KCNJ10: variants seen among roughly 807,000 people sequenced by gnomAD.
KCNJ10 encodes potassium inwardly rectifying channel subfamily J member 10.
Under a neutral mutation model 22.2 loss-of-function variants are expected in KCNJ10, and 9 were observed. That is an observed-to-expected ratio of 0.40 (90% CI 0.24 to 0.71). The LOEUF (loss-of-function observed/expected upper bound fraction) is 0.71. KCNJ10 is among the 30% of genes least tolerant of loss of function. KCNJ10 has a pLI of 0.35. For synonymous variants in KCNJ10, 184 were observed against 187.3 expected (o/e 0.98, Z 0.15); for missense variants, 337 against 482.7 (o/e 0.70, Z 2.83).
chr1:160,054,566 G>A (rs1212200088), intron 1 of KCNJ10, among the ~76,000 whole-genome samples: 1 of 152,234 alleles, frequency 6.6e-6, no homozygotes. Context: ...GACATGCGAT[G>A]CTGAAAAGGT....
At chr1:160,067,393 A>G (rs1186677) in intron 1 of KCNJ10, among the ~76,000 whole-genome samples, 151,356 of 152,356 alleles carry the variant, frequency 0.99, 75,187 homozygotes, top group East Asian at 1. Context: ...GAGAGACCGA[A>G]GTGACATGGC....
chr1:160,056,896 A>G (rs529770828), intron 1 of KCNJ10, among the ~76,000 whole-genome samples: 1 of 152,324 alleles, frequency 6.6e-6, no homozygotes, highest in East Asian at 1.9e-4. Context: ...ATCATCCTCA[A>G]TATGGTGATA....
At chr1:160,054,425 T>G (rs569687477) in intron 1 of KCNJ10, among the ~76,000 whole-genome samples, 1 of 152,306 alleles carries the variant, frequency 6.6e-6, no homozygotes, top group African/African-American at 2.4e-5. Context: ...TACTGGGAGA[T>G]GTTAACCCAT....
At chr1:160,069,816 G>A (rs921692223) in intron 1 of KCNJ10, among the ~76,000 whole-genome samples, 27 of 152,202 alleles carry the variant, frequency 1.8e-4, no homozygotes, top group Non-Finnish European at 2.1e-4. Flanking sequence ...GAGGTGACCA[G>A]CCTGGCTAGT....
intron 1 of KCNJ10, among the ~76,000 whole-genome samples, chr1:160,054,021 T>G (rs1648966345): frequency 6.6e-6 from 1 of 152,130 alleles, no homozygotes; most frequent in African/African-American, 2.4e-5. Flanking sequence ...AAGCGGTGCC[T>G]TCTGTCCCCT....
At position 160,059,734 on chromosome 1, in the gene KCNJ10, G is replaced by C. The variant is rs557946461; in HGVS notation, c.-1+10288C>G. 8.9e-4 allele frequency among the ~76,000 whole-genome samples: 135 copies of C among 152,284 alleles called. 1 individual carries two copies. Among genetic ancestry groups the C allele is most frequent in the African/African-American group, 3.0e-3 (125 of 41,568 alleles). On this transcript the variant is annotated intron_variant, in intron 1 of 1. Coordinates refer to ENST00000644903, the MANE Select transcript of KCNJ10 (RefSeq NM_002241.5). Reference sequence around the variant, plus strand: ...ATGATCAAGGGATTCCTTTGAGGCCGCTGGAAACCCCACAGGGGCTCTGAG... The same window carrying C: ...ATGATCAAGGGATTCCTTTGAGGCCCCTGGAAACCCCACAGGGGCTCTGAG...
chr1:160,048,434 T>G (rs997406743), intron 1 of KCNJ10, among the ~76,000 whole-genome samples: 2 of 152,228 alleles, frequency 1.3e-5, no homozygotes, highest in Non-Finnish European at 2.9e-5. Flanking sequence ...GAGAATGAGC[T>G]TTGTAAATTG....
intron 1 of KCNJ10, among the ~76,000 whole-genome samples, chr1:160,052,553 T>G (rs1158990656): frequency 6.6e-6 from 1 of 152,248 alleles, no homozygotes; most frequent in Non-Finnish European, 1.5e-5. Flanking sequence ...ACACCCACAC[T>G]TATCTTAGAC....
intron 1 of KCNJ10, among the ~76,000 whole-genome samples, chr1:160,059,081 G>A (rs1172659904): frequency 2.0e-5 from 3 of 152,096 alleles, no homozygotes; most frequent in Admixed American, 1.3e-4. Context: ...AGCCTCCCTA[G>A]GGGGGCAATA....
intron 1 of KCNJ10, among the ~76,000 whole-genome samples, chr1:160,066,035 G>C (rs1429887763): frequency 4.6e-5 from 7 of 152,144 alleles, no homozygotes; most frequent in Admixed American, 4.6e-4. Flanking sequence ...GAGGCAGGAT[G>C]AAGAATACAA....
intron 1 of KCNJ10, among the ~76,000 whole-genome samples, chr1:160,066,868 GT>G (rs911039931): frequency 2.0e-5 from 3 of 152,116 alleles, no homozygotes; most frequent in African/African-American, 7.2e-5. Flanking sequence ...GTTTTGGTTG[GT>G]TTTTTTGGTC....
At position 160,039,240 on chromosome 1, in the gene KCNJ10, C is replaced by T. The variant is rs1265907214; in HGVS notation, c.*2153G>A. 6.6e-6 allele frequency: 1 copy of T among 152,548 alleles called. No individual in the cohort carries two copies. Among genetic ancestry groups the T allele is most frequent in the Non-Finnish European group, 1.5e-5 (1 of 68,044 alleles). 9.4% of individuals were successfully genotyped at this position (152,548 alleles called of 1,614,324 possible). Reference sequence around the variant, plus strand: ...AGGGTAAGTCAGAAAATGTTTTCTTCTCACTGTTTCATCCAAGAGTCTAGA... The same window carrying T: ...AGGGTAAGTCAGAAAATGTTTTCTTTTCACTGTTTCATCCAAGAGTCTAGA... On this transcript the variant is annotated 3_prime_UTR_variant, in exon 2 of 2. Transcript: ENST00000644903.
intron 1 of KCNJ10, among the ~76,000 whole-genome samples, chr1:160,050,611 C>T (rs1648879313): frequency 6.6e-6 from 1 of 152,046 alleles, no homozygotes. Context: ...CAGTGAAGTA[C>T]AAGAAGAGCT....
intron 1 of KCNJ10, among the ~76,000 whole-genome samples, chr1:160,057,775 G>T (rs990796372): frequency 6.6e-6 from 1 of 152,188 alleles, no homozygotes; most frequent in Non-Finnish European, 1.5e-5. Context: ...GCCAAGACAG[G>T]GTTCTCCACC....
chr1:160,060,232 T>TA (rs1649151903), intron 1 of KCNJ10, among the ~76,000 whole-genome samples: 1 of 152,148 alleles, frequency 6.6e-6, no homozygotes, highest in Non-Finnish European at 1.5e-5. Flanking sequence ...ACTTACTAGA[T>TA]ACAGAACTAG....
At chr1:160,068,766 A>G (rs890448087) in intron 1 of KCNJ10, among the ~76,000 whole-genome samples, 1 of 152,132 alleles carries the variant, frequency 6.6e-6, no homozygotes, top group Non-Finnish European at 1.5e-5. Flanking sequence ...ATGTTCAAAA[A>G]TCCTTGGAGA....
chr1:160,037,699 C>G lies in KCNJ10; in HGVS notation c.*3694G>C, dbSNP rs952628552. On this transcript the variant is annotated 3_prime_UTR_variant, in exon 2 of 2. Coordinates refer to ENST00000644903, the MANE Select transcript of KCNJ10 (RefSeq NM_002241.5). ...GGTAGTGTGTTACTGTACAAGTGAA[C>G]TAGGTTAGCTAGCAAGAATAAAGGA... 1.3e-5 allele frequency: 2 copies of G among 152,182 alleles called. No homozygotes were observed. Among genetic ancestry groups the G allele is most frequent in the Non-Finnish European group, 2.9e-5 (2 of 68,054 alleles). 9.4% of individuals were successfully genotyped at this position (152,182 alleles called of 1,614,324 possible). A position where few individuals can be genotyped will look rare whatever the true frequency, so the allele number is the denominator to read the frequency against.
chr1:160,042,464 TG>T lies in KCNJ10; in HGVS notation c.68del (p.Pro23GlnfsTer9). The T allele has an allele frequency of 6.2e-7, 1 of 1,614,200 alleles. No homozygotes were observed. Among genetic ancestry groups the T allele is most frequent in the Non-Finnish European group, 8.5e-7 (1 of 1,180,026 alleles). ...TQTESRPLMG[P>X]GIRRRRVLTK... ...TCAGGACTCTCCGCCGTCGTATCCC[TG>T]GGCCCATTAGGGGCCGGCTTTCTGT... On this transcript the variant is annotated frameshift_variant, in exon 2 of 2. Transcript: ENST00000644903. LOFTEE classifies it high-confidence loss of function.
chr1:160,054,703 A>G (rs567458710), intron 1 of KCNJ10, among the ~76,000 whole-genome samples: 17 of 152,312 alleles, frequency 1.1e-4, no homozygotes, highest in African/African-American at 4.1e-4. Context: ...CCAATCAGTC[A>G]TCACCTGGCC....
Sources: allele counts gnomAD v4.1 joint callset (sites outside exome capture counted in the v4.1 genomes callset), GRCh38; gene constraint gnomAD v4.1.1; transcripts MANE v1.5; gene names NCBI Gene and HGNC (gene_info 2026-07-23, HGNC 2026-07-21).